SPIDR: variants seen among roughly 807,000 people sequenced by gnomAD.
SPIDR encodes DNA repair-scaffolding protein.
A neutral mutation model predicts 104.6 loss-of-function variants in SPIDR; 93 were observed. The ratio of observed to expected loss-of-function variants is 0.89; its 90% CI spans 0.75 to 1.06. The LOEUF (loss-of-function observed/expected upper bound fraction) is 1.06, where lower values mean the gene tolerates loss of function less well. Ranked by LOEUF, SPIDR falls within the 50% of genes least tolerant of loss-of-function variation. SPIDR has a pLI of 0.00. For synonymous variants in SPIDR, 431 were observed against 416.9 expected (o/e 1.03, Z -0.41); for missense variants, 1,154 against 1,111.2 (o/e 1.04, Z -0.55).
intron 11 of SPIDR, among the ~76,000 whole-genome samples, chr8:47,698,218 G>C (rs191052160): frequency 6.6e-6 from 1 of 151,872 alleles, no homozygotes; most frequent in Admixed American, 6.7e-5. Flanking sequence ...TCCCCTGTCA[G>C]ACTGTTTGTT....
At chr8:47,500,186 T>C (rs1488769214) in intron 8 of SPIDR, among the ~76,000 whole-genome samples, 1 of 152,224 alleles carries the variant, frequency 6.6e-6, no homozygotes, top group Non-Finnish European at 1.5e-5. Flanking sequence ...TCAAATGGTA[T>C]TTCTAGTTCT....
intron 16 of SPIDR, among the ~76,000 whole-genome samples, chr8:47,718,225 A>AT (rs1354806395): frequency 6.6e-6 from 1 of 152,226 alleles, no homozygotes; most frequent in Non-Finnish European, 1.5e-5. Flanking sequence ...AGAGGGCATC[A>AT]TATCAGTCAC....
intron 10 of SPIDR, among the ~76,000 whole-genome samples, chr8:47,605,425 A>G (rs1230244557): frequency 6.6e-6 from 1 of 152,224 alleles, no homozygotes; most frequent in South Asian, 2.1e-4. Flanking sequence ...GCAAGCTTGG[A>G]TAACAAATGT....
At chr8:47,552,482 T>C (rs1353123951) in intron 8 of SPIDR, among the ~76,000 whole-genome samples, 2 of 152,240 alleles carry the variant, frequency 1.3e-5, no homozygotes, top group African/African-American at 4.8e-5. Flanking sequence ...ATATTTAAGA[T>C]AGTTAGCTCT....
intron 5 of SPIDR, among the ~76,000 whole-genome samples, chr8:47,303,155 T>G (rs1586643740): frequency 6.6e-6 from 1 of 152,164 alleles, no homozygotes; most frequent in African/African-American, 2.4e-5. Flanking sequence ...TGGCTGCCCC[T>G]CCCGCAGCCT....
chr8:47,612,028 C>T (rs2063677319), intron 10 of SPIDR, among the ~76,000 whole-genome samples: 1 of 152,158 alleles, frequency 6.6e-6, no homozygotes, highest in Admixed American at 6.5e-5. Context: ...CCCATAAGCG[C>T]AAGACCACCC....
intron 10 of SPIDR, among the ~76,000 whole-genome samples, chr8:47,670,326 A>G (rs1554561618): frequency 6.6e-6 from 1 of 152,296 alleles, no homozygotes; most frequent in Admixed American, 6.5e-5. Context: ...TAAATTCAAC[A>G]TCAAAACGTA....
intron 8 of SPIDR, among the ~76,000 whole-genome samples, chr8:47,549,412 C>T (rs1312311923): frequency 6.6e-6 from 1 of 152,188 alleles, no homozygotes; most frequent in African/African-American, 2.4e-5. Flanking sequence ...CCTATTTCTG[C>T]ACATCCTGTC....
At chr8:47,376,370 A>G (rs1033201934) in intron 5 of SPIDR, among the ~76,000 whole-genome samples, 1 of 152,154 alleles carries the variant, frequency 6.6e-6, no homozygotes, top group Non-Finnish European at 1.5e-5. Flanking sequence ...GCTCCAGATG[A>G]CAAGGGACCC....
intron 6 of SPIDR, among the ~76,000 whole-genome samples, chr8:47,407,613 G>A (rs1314765466): frequency 1.3e-5 from 2 of 152,164 alleles, no homozygotes; most frequent in Non-Finnish European, 2.9e-5. Flanking sequence ...ATATTTCCAA[G>A]AATGTGATGT....
intron 5 of SPIDR, among the ~76,000 whole-genome samples, chr8:47,307,213 CCTTTCTTCTTT>C (rs1184918763): frequency 1.3e-5 from 2 of 150,506 alleles, no homozygotes; most frequent in Non-Finnish European, 3.0e-5. Context: ...TGTTTAAATT[CCTTTCTTCTTT>C]CTTTCTTCTT....
At chr8:47,420,067 G>T (rs1165709142) in intron 7 of SPIDR, among the ~76,000 whole-genome samples, 1 of 152,194 alleles carries the variant, frequency 6.6e-6, no homozygotes, top group Non-Finnish European at 1.5e-5. Flanking sequence ...GGTGTGGTGT[G>T]GTGCTGAGAA....
chr8:47,317,021 T>C (rs1192605757), intron 5 of SPIDR, among the ~76,000 whole-genome samples: 1 of 152,154 alleles, frequency 6.6e-6, no homozygotes, highest in Non-Finnish European at 1.5e-5. Flanking sequence ...AGCTCCCAGC[T>C]TGAGCGACGT....
chr8:47,621,899 A>G (rs980330177), intron 10 of SPIDR, among the ~76,000 whole-genome samples: 1 of 152,172 alleles, frequency 6.6e-6, no homozygotes, highest in Admixed American at 6.5e-5. Flanking sequence ...CGGGAGGCGG[A>G]GGTTGCAGTG....
chr8:47,556,169 G>T (rs2091299056), intron 8 of SPIDR, among the ~76,000 whole-genome samples: 1 of 152,154 alleles, frequency 6.6e-6, no homozygotes, highest in South Asian at 2.1e-4. Flanking sequence ...TAGCCTGTAG[G>T]CCTAGCAGTC....
At chr8:47,470,015 C>T (rs1187499045) in intron 8 of SPIDR, among the ~76,000 whole-genome samples, 1 of 152,178 alleles carries the variant, frequency 6.6e-6, no homozygotes. Context: ...AGTGCAATCC[C>T]TATCAAAATT....
intron 5 of SPIDR, among the ~76,000 whole-genome samples, chr8:47,331,860 A>AT (rs1276131570): frequency 3.7e-4 from 54 of 144,824 alleles, no homozygotes; most frequent in East Asian, 1.2e-3. Flanking sequence ...GTACAGAAGT[A>AT]TTTTTTTTTG....
chr8:47,345,136 T>A (rs1403991687), intron 5 of SPIDR, among the ~76,000 whole-genome samples: 1 of 152,242 alleles, frequency 6.6e-6, no homozygotes, highest in Non-Finnish European at 1.5e-5. Context: ...AAATAATTTT[T>A]ATATAAGGTG....
chr8:47,563,373 A>G (rs776278003), intron 8 of SPIDR, among the ~76,000 whole-genome samples: 41 of 151,720 alleles, frequency 2.7e-4, no homozygotes, highest in Non-Finnish European at 5.0e-4. Flanking sequence ...GGGTCTCCCT[A>G]TGTTGCACAG....
Sources: gnomAD v4.1 joint callset for allele counts (sites outside exome capture counted in the v4.1 genomes callset) on GRCh38, gnomAD v4.1.1 for gene constraint, MANE v1.5 for transcripts, NCBI Gene and HGNC (gene_info 2026-07-23, HGNC 2026-07-21) for gene names.